The following FSD1L variants were observed in gnomAD, a reference collection of about 807,000 sequenced individuals.
FSD1L encodes FSD1-like protein.
FSD1L carries 45 observed loss-of-function variants against 71.6 expected under a neutral mutation model. The observed-to-expected ratio is 0.63, with a 90% CI of 0.49 to 0.81. The LOEUF (loss-of-function observed/expected upper bound fraction) is 0.81. FSD1L is among the 30% of genes least tolerant of loss of function. FSD1L has a pLI of 0.00. For missense variants in FSD1L, 561 were observed against 618.1 expected (o/e 0.91, Z 0.98); for synonymous variants, 197 against 207.2 (o/e 0.95, Z 0.42).
At chr9:105,508,776 A>G (rs1834223093) in intron 9 of FSD1L, 61 bp downstream of exon 9, 3 of 1,000,496 alleles carry the variant, frequency 3.0e-6, no homozygotes, top group Admixed American at 5.4e-5. Context: ...GTTATTCATA[A>G]CTTTGTAACA....
At chr9:105,457,994 C>T (rs1830460474) in intron 1 of FSD1L, among the ~76,000 whole-genome samples, 1 of 152,240 alleles carries the variant, frequency 6.6e-6, no homozygotes, top group African/African-American at 2.4e-5. Context: ...ACTGCAGAGC[C>T]CCAAGGGGTC....
chr9:105,484,126 A>G (rs1832381471), intron 6 of FSD1L, among the ~76,000 whole-genome samples: 1 of 152,146 alleles, frequency 6.6e-6, no homozygotes, highest in African/African-American at 2.4e-5. Context: ...TGTTATTCAT[A>G]TATATGCAAT....
intron 2 of FSD1L, among the ~76,000 whole-genome samples, chr9:105,462,039 G>A (rs1416746598): frequency 2.0e-5 from 3 of 151,764 alleles, no homozygotes; most frequent in African/African-American, 7.3e-5. Flanking sequence ...GCTATCTCCA[G>A]ATTTTTGCTA....
At chr9:105,507,940 G>A (rs1834152339) in intron 8 of FSD1L, among the ~76,000 whole-genome samples, 1 of 143,154 alleles carries the variant, frequency 7.0e-6, no homozygotes, top group African/African-American at 2.6e-5. Flanking sequence ...TGTCCAGGCT[G>A]GAGTGCAATT....
chr9:105,495,281 C>T (rs781532779), intron 7 of FSD1L, among the ~76,000 whole-genome samples: 34 of 152,198 alleles, frequency 2.2e-4, no homozygotes, highest in Non-Finnish European at 4.3e-4. Flanking sequence ...AGCGAGACTC[C>T]GTGGGTGTAG....
chr9:105,529,027 A>G (rs1314932713), intron 10 of FSD1L, among the ~76,000 whole-genome samples: 1 of 152,254 alleles, frequency 6.6e-6, no homozygotes, highest in East Asian at 1.9e-4. Flanking sequence ...AATGCTCATC[A>G]TCACTGGTCA....
chr9:105,493,396 C>T lies in FSD1L; in HGVS notation c.586+8894C>T, dbSNP rs1225476734. 7.4e-3 allele frequency among the ~76,000 whole-genome samples: 1,123 copies of T among 151,698 alleles called. 12 individuals are homozygous for T. Among genetic ancestry groups the T allele is most frequent in the African/African-American group, 0.026 (1,072 of 41,034 alleles). ...TTTTATTTTGAGCCTATGTGTGTCT[C>T]TGCACGTGAGATGGGTTTCCTGAAT... On this transcript the variant is annotated intron_variant, in intron 7 of 13. Coordinates refer to ENST00000481272, the MANE Select transcript of FSD1L (RefSeq NM_001145313.3).
In FSD1L at chr9:105,469,655, T is replaced by A. The variant is rs142704654; in HGVS notation, c.339+1331T>A. Reference sequence around the variant, plus strand: ...GGTGGTTGTTAAGTTGCAGCAGTTTTCTATTCATTCTGGATATTAACTCCT... The same window carrying A: ...GGTGGTTGTTAAGTTGCAGCAGTTTACTATTCATTCTGGATATTAACTCCT... On this transcript the variant is annotated intron_variant, in intron 4 of 13. Transcript: ENST00000481272. Among the ~76,000 whole-genome samples, 843 of 152,178 alleles carry A rather than the reference T, an allele frequency of 5.5e-3. 10 individuals carry two copies. Among genetic ancestry groups the A allele is most frequent in the African/African-American group, 0.02 (816 of 41,534 alleles).
intron 9 of FSD1L, among the ~76,000 whole-genome samples, chr9:105,510,333 C>G (rs918747608): frequency 2.0e-5 from 3 of 149,388 alleles, no homozygotes; most frequent in South Asian, 4.1e-4. Flanking sequence ...AAGTTAGACT[C>G]CTACATGGCC....
chr9:105,506,690 A>G lies in FSD1L; in HGVS notation c.796+82A>G, dbSNP rs558094378. 3 of 1,013,984 alleles carry G rather than the reference A, an allele frequency of 3.0e-6. No individual in the cohort carries two copies. In the East Asian group the frequency reaches 7.9e-5, roughly 27 times the overall value. 62.8% of individuals were successfully genotyped at this position (1,013,984 alleles called of 1,614,324 possible). A position where few individuals can be genotyped will look rare whatever the true frequency, so the allele number is the denominator to read the frequency against. ...AATATTTTGAGTTACTTTAAAGAAT[A>G]AAGTTTTAAAGTTTCTTTAGTCACA... On this transcript the variant is annotated intron_variant, in intron 8 of 13. Coordinates refer to ENST00000481272, the MANE Select transcript of FSD1L (RefSeq NM_001145313.3).
chr9:105,517,516 TAAAG>T (rs777884689), intron 10 of FSD1L, among the ~76,000 whole-genome samples: 3 of 152,218 alleles, frequency 2.0e-5, no homozygotes, highest in South Asian at 4.1e-4. Flanking sequence ...TTAACATTCT[TAAAG>T]AAAAGAATTT....
rs548302334 is a variant in FSD1L at position 105,544,605 on chromosome 9, A to G, written c.1468-1753A>G. Among the ~76,000 whole-genome samples the G allele has an allele frequency of 5.0e-3, 764 of 152,190 alleles. 9 individuals carry two copies. Among genetic ancestry groups the G allele is most frequent in the African/African-American group, 0.017 (717 of 41,520 alleles). ...ATCCATCTTGAATTAATTTTTGTAT[A>G]AGGTGTAAGGAAGGGATCCAGTTTC... On this transcript the variant is annotated intron_variant, in intron 13 of 13. Transcript: ENST00000481272.
chr9:105,546,338 G>GT lies in FSD1L; in HGVS notation c.1468-13dup, dbSNP rs754036464. ...TCTAGTTTGATTTGCAATCTGACAG[G>GT]TTTTTTTGTCTTTTCTTAGGTATGG... On this transcript the variant is annotated intron_variant, in intron 13 of 13. Coordinates refer to ENST00000481272, the MANE Select transcript of FSD1L (RefSeq NM_001145313.3). 2.3e-5 allele frequency: 35 copies of GT among 1,503,846 alleles called. No individual in the cohort carries two copies. Among genetic ancestry groups the GT allele is most frequent in the African/African-American group, 5.7e-5 (4 of 70,116 alleles). 93.2% of individuals were successfully genotyped at this position (1,503,846 alleles called of 1,614,324 possible). A position where few individuals can be genotyped will look rare whatever the true frequency, so the allele number is the denominator to read the frequency against.
rs569949863 is a variant in FSD1L, at chr9:105,491,885, G to T, written c.586+7383G>T. Reference sequence around the variant, plus strand: ...TGGTGGATAAGCTTTTTGATGTGCTGCTGGATTCGGTTTGCCATTATCTTA... The same window carrying T: ...TGGTGGATAAGCTTTTTGATGTGCTTCTGGATTCGGTTTGCCATTATCTTA... On this transcript the variant is annotated intron_variant, in intron 7 of 13. Transcript: ENST00000481272. Among the ~76,000 whole-genome samples, 108 of 148,168 alleles carry T rather than the reference G, an allele frequency of 7.3e-4. 1 individual carries two copies. Among genetic ancestry groups the T allele is most frequent in the Non-Finnish European group, 1.3e-3 (85 of 66,620 alleles).
chr9:105,461,956 CAA>C (rs112746151), intron 2 of FSD1L, among the ~76,000 whole-genome samples: 39 of 118,624 alleles, frequency 3.3e-4, no homozygotes, highest in South Asian at 1.0e-3. Context: ...GACAGAGCCT[CAA>C]AAAAAAAAAA....
intron 10 of FSD1L, among the ~76,000 whole-genome samples, chr9:105,533,336 C>A (rs1238686401): frequency 2.8e-5 from 4 of 141,458 alleles, no homozygotes; most frequent in African/African-American, 1.0e-4. Context: ...CAAGGTGGAT[C>A]TTGTCTATTT....
chr9:105,506,621 C>T lies in FSD1L; in HGVS notation c.796+13C>T, dbSNP rs371434394. On this transcript the variant is annotated intron_variant, in intron 8 of 13. Coordinates refer to ENST00000481272, the MANE Select transcript of FSD1L (RefSeq NM_001145313.3). ...TATACACTATCAGGTAACATGACTGCATTTTAGGACTCTCATTCTCAGAAG... is the reference window on the plus strand; with the variant it reads ...TATACACTATCAGGTAACATGACTGTATTTTAGGACTCTCATTCTCAGAAG... The T allele has an allele frequency of 4.2e-6, 6 of 1,429,504 alleles. 1 individual carries two copies. The African/African-American group carries it at 5.7e-5, about 13-fold the overall frequency. The allele number at this position is 1,429,504 out of a possible 1,614,324, so 88.6% of individuals were successfully genotyped here.
At chr9:105,496,943 A>G (rs573518275) in intron 7 of FSD1L, among the ~76,000 whole-genome samples, 40 of 152,350 alleles carry the variant, frequency 2.6e-4, no homozygotes, top group Middle Eastern at 6.8e-3. Context: ...CTTGTTCCTG[A>G]ACTTAGTGGA....
At chr9:105,493,018 A>G (rs376333010) in intron 7 of FSD1L, among the ~76,000 whole-genome samples, 21 of 152,110 alleles carry the variant, frequency 1.4e-4, no homozygotes, top group African/African-American at 4.3e-4. Flanking sequence ...TATTAGGTCC[A>G]CTTGGTGCAG....
Sources: allele counts gnomAD v4.1 joint callset (sites outside exome capture counted in the v4.1 genomes callset), GRCh38; gene constraint gnomAD v4.1.1; transcripts MANE v1.5; gene names NCBI Gene and HGNC (gene_info 2026-07-23, HGNC 2026-07-21).